The following WDR76 variants were observed in gnomAD, a reference collection of about 807,000 sequenced individuals.
WDR76 encodes WD repeat domain 76.
Under a neutral mutation model 70.2 loss-of-function variants are expected in WDR76, and 52 were observed. The observed-to-expected ratio is 0.74, with a 90% CI of 0.59 to 0.93. The LOEUF (loss-of-function observed/expected upper bound fraction) is 0.93. Ranked by LOEUF, WDR76 falls within the 40% of genes least tolerant of loss-of-function variation. WDR76 has a pLI of 0.00. For missense variants in WDR76, 756 were observed against 760.2 expected, an observed-to-expected ratio of 0.99 and a Z score of 0.07; for synonymous variants, 292 against 271.1, an observed-to-expected ratio of 1.08 and a Z score of -0.76.
chr15:43,848,447 A>G (rs1039311012), intron 8 of WDR76, among the ~76,000 whole-genome samples: 4 of 152,190 alleles, frequency 2.6e-5, no homozygotes, highest in African/African-American at 9.7e-5. Context: ...AAAAGTAGAG[A>G]GAAGCACATT....
intron 12 of WDR76, among the ~76,000 whole-genome samples, chr15:43,862,409 C>CTGGGT (rs943738161): frequency 5.5e-5 from 8 of 146,352 alleles, no homozygotes; most frequent in African/African-American, 1.8e-4. Flanking sequence ...CCTCCGCCTC[C>CTGGGT]TGGGTGCAAG....
At chr15:43,835,482 C>G (rs948681858) in intron 3 of WDR76, among the ~76,000 whole-genome samples, 2 of 76,160 alleles carry the variant, frequency 2.6e-5, no homozygotes, top group African/African-American at 8.1e-5. Context: ...GAGCCAGACC[C>G]TGTCTCAAAA....
chr15:43,831,941 G>T lies in WDR76; in HGVS notation c.463-3120G>T, dbSNP rs958284133. ...TTTTTGTTTTTTTAATAGAGATGGGGTTTTACCATATTGGCCAGGCTGGTC... is the reference window on the plus strand; with the variant it reads ...TTTTTGTTTTTTTAATAGAGATGGGTTTTTACCATATTGGCCAGGCTGGTC... On this transcript the variant is annotated intron_variant, in intron 2 of 12. Transcript: ENST00000263795. Among the ~76,000 whole-genome samples the T allele has an allele frequency of 1.4e-4, 21 of 151,450 alleles. No homozygotes were observed. In the Middle Eastern group the frequency reaches 0.014, roughly 98 times the overall value.
intron 12 of WDR76, among the ~76,000 whole-genome samples, chr15:43,862,966 C>G (rs562634159): frequency 6.6e-6 from 1 of 151,976 alleles, no homozygotes; most frequent in Non-Finnish European, 1.5e-5. Flanking sequence ...GACAGAGTCT[C>G]GCTCTGTTGT....
intron 2 of WDR76, 100 bp downstream of exon 2, chr15:43,828,466 T>C (rs928680712): frequency 9.3e-5 from 98 of 1,053,204 alleles, no homozygotes; most frequent in Admixed American, 1.3e-4. Flanking sequence ...ACAAACAAGT[T>C]ATTTCATCAT....
At chr15:43,833,363 G>C (rs1382944615) in intron 2 of WDR76, among the ~76,000 whole-genome samples, 2 of 146,688 alleles carry the variant, frequency 1.4e-5, no homozygotes, top group East Asian at 4.0e-4. Context: ...CTGTTGCCCA[G>C]AGTGGAGTGC....
At chr15:43,864,159 G>A (rs553036020) in intron 12 of WDR76, among the ~76,000 whole-genome samples, 377 of 152,222 alleles carry the variant, frequency 2.5e-3, no homozygotes, top group Non-Finnish European at 3.8e-3. Flanking sequence ...TATATACTAC[G>A]TTTTCTTTAT....
At chr15:43,834,983 A>G in intron 2 of WDR76, 78 bp from the exon 3 acceptor site, 1 of 1,202,098 alleles carries the variant, frequency 8.3e-7, no homozygotes, top group Non-Finnish European at 1.2e-6. Flanking sequence ...CATGTAGAAA[A>G]TGAAACATGT....
intron 4 of WDR76, among the ~76,000 whole-genome samples, chr15:43,836,574 T>C (rs895591918): frequency 1.3e-5 from 2 of 152,224 alleles, no homozygotes; most frequent in Non-Finnish European, 2.9e-5. Flanking sequence ...GTTTTTGCTT[T>C]CTTAGTCCTA....
At chr15:43,831,395 T>C (rs1318926739) in intron 2 of WDR76, among the ~76,000 whole-genome samples, 2 of 151,906 alleles carry the variant, frequency 1.3e-5, no homozygotes, top group Admixed American at 6.6e-5. Context: ...CACCTCGGCC[T>C]CCCAAAGTGC....
rs1434226412 is a variant in WDR76, at chr15:43,866,567, G to T, written c.*175G>T. 2.8e-6 allele frequency: 2 copies of T among 725,988 alleles called. No individual in the cohort carries two copies. Among genetic ancestry groups the T allele is most frequent in the Admixed American group, 3.1e-5 (1 of 32,462 alleles). 45.0% of individuals were successfully genotyped at this position (725,988 alleles called of 1,614,324 possible). A position where few individuals can be genotyped will look rare whatever the true frequency, so the allele number is the denominator to read the frequency against. ...TTTAGTAAGGGAGAAGTCTTGGAGG[G>T]TTGCTTCTGCAGGACGGGGAGGGAA... On this transcript the variant is annotated 3_prime_UTR_variant, in exon 13 of 13. Transcript: ENST00000263795.
intron 1 of WDR76, 118 bp downstream of exon 1, chr15:43,827,210 C>T (rs1252649719): frequency 1.6e-6 from 2 of 1,289,636 alleles, no homozygotes; most frequent in Non-Finnish European, 2.2e-6. Flanking sequence ...CGGGGGATCC[C>T]TGCCCTTAGG....
Position 43,867,848 on chromosome 15 carries a change from TA to T in WDR76, c.*1457del, listed in dbSNP as rs1409509708. 1 of 152,192 alleles carries T rather than the reference TA, an allele frequency of 6.6e-6. No individual in the cohort carries two copies. Among genetic ancestry groups the T allele is most frequent in the Non-Finnish European group, 1.5e-5 (1 of 68,022 alleles). The allele number at this position is 152,192 out of a possible 1,614,324, so 9.4% of individuals were successfully genotyped here. A position where few individuals can be genotyped will look rare whatever the true frequency, so the allele number is the denominator to read the frequency against. On this transcript the variant is annotated 3_prime_UTR_variant, in exon 13 of 13. Transcript: ENST00000263795. ...GGGGAGCTGCCAAATCAGTTACTAA[TA>T]TTACTGTGTGACATCTATCCAACTT...
intron 12 of WDR76, among the ~76,000 whole-genome samples, chr15:43,865,492 G>A (rs764151242): frequency 6.0e-4 from 91 of 152,216 alleles, no homozygotes; most frequent in Middle Eastern, 3.4e-3. Flanking sequence ...AGGCTGTCTC[G>A]AACTCCTGAC....
At chr15:43,847,161 C>T (rs1395669116) in intron 8 of WDR76, among the ~76,000 whole-genome samples, 2 of 152,042 alleles carry the variant, frequency 1.3e-5, no homozygotes, top group African/African-American at 4.8e-5. Context: ...CTTGTCTATC[C>T]TGTGCTCACA....
intron 8 of WDR76, among the ~76,000 whole-genome samples, chr15:43,849,449 G>A (rs575361909): frequency 6.6e-6 from 1 of 152,288 alleles, no homozygotes; most frequent in East Asian, 1.9e-4. Flanking sequence ...GGACCATGCT[G>A]TATATGCCGT....
At chr15:43,861,096 T>A (rs951367916) in intron 11 of WDR76, among the ~76,000 whole-genome samples, 3 of 151,892 alleles carry the variant, frequency 2.0e-5, no homozygotes, top group Non-Finnish European at 4.4e-5. Flanking sequence ...ATTTTTAAAT[T>A]TTTTGTACAG....
chr15:43,832,931 T>C (rs996503877), intron 2 of WDR76, among the ~76,000 whole-genome samples: 2 of 151,714 alleles, frequency 1.3e-5, no homozygotes, highest in Non-Finnish European at 2.9e-5. Context: ...TTTTTTGTAT[T>C]TTTAGTAGAG....
intron 12 of WDR76, among the ~76,000 whole-genome samples, chr15:43,862,140 ATGTG>A (rs1449863899): frequency 6.6e-5 from 10 of 151,708 alleles, no homozygotes; most frequent in Admixed American, 1.3e-4. Flanking sequence ...CTGGCCTTGT[ATGTG>A]TGTATTTTAC....
Sources: gnomAD v4.1 joint callset for allele counts (sites outside exome capture counted in the v4.1 genomes callset) on GRCh38, gnomAD v4.1.1 for gene constraint, MANE v1.5 for transcripts, NCBI Gene and HGNC (gene_info 2026-07-23, HGNC 2026-07-21) for gene names.